Variants in ZNF91 observed in about 807,000 individuals in gnomAD.
ZNF91 encodes zinc finger protein 91 (HPF7, HTF10).
ZNF91 carries 7 observed loss-of-function variants against 12.6 expected under a neutral mutation model. The observed-to-expected ratio is 0.55, with a 90% CI of 0.31 to 1.04. The LOEUF (loss-of-function observed/expected upper bound fraction) is 1.04, where lower values mean the gene tolerates loss of function less well. ZNF91 is among the 50% of genes least tolerant of loss of function. ZNF91 has a pLI of 0.05. For synonymous variants in ZNF91, 453 were observed against 462.6 expected (o/e 0.98, Z 0.27); for missense variants, 1,217 against 1,385.4 (o/e 0.88, Z 1.93).
chr19:23,342,477 C>T (rs897906291), intron 3 of ZNF91, among the ~76,000 whole-genome samples: 1 of 152,066 alleles, frequency 6.6e-6, no homozygotes, highest in African/African-American at 2.4e-5. Context: ...AAAATTAGTG[C>T]TGGATATTGG....
chr19:23,388,657 A>C (rs1568404829), intron 1 of ZNF91, among the ~76,000 whole-genome samples: 2 of 152,174 alleles, frequency 1.3e-5, no homozygotes, highest in African/African-American at 4.8e-5. Flanking sequence ...AAATCACCTG[A>C]GGTCAGGAGT....
intron 3 of ZNF91, among the ~76,000 whole-genome samples, chr19:23,341,876 T>G (rs1479950710): frequency 1.3e-5 from 2 of 151,944 alleles, no homozygotes; most frequent in East Asian, 3.9e-4. Flanking sequence ...ATTCTTATAC[T>G]CCCCCAAAAC....
Position 23,359,026 on chromosome 19 carries a change from T to TCCAC in ZNF91, c.*376_*377insGTGG. On this transcript the variant is annotated 3_prime_UTR_variant, in exon 4 of 4. Transcript: ENST00000300619. ...GTTAAAGGCTTTGCCAAATTTTTCCTGTTTGTAGGGTTGCTGTCCAGTATG... is the reference window on the plus strand; with the variant it reads ...GTTAAAGGCTTTGCCAAATTTTTCCTCCACGTTTGTAGGGTTGCTGTCCAGTATG... 1 of 510,058 alleles carries TCCAC rather than the reference T, an allele frequency of 2.0e-6. No individual in the cohort carries two copies. The highest frequency in any genetic ancestry group is 5.2e-5 in the East Asian group (1 of 19,146). 31.6% of individuals were successfully genotyped at this position (510,058 alleles called of 1,614,324 possible).
intron 1 of ZNF91, among the ~76,000 whole-genome samples, chr19:23,383,901 GGAGTTCGAGACTAGCCTGACCA>G (rs1403102172): frequency 3.3e-5 from 5 of 152,078 alleles, no homozygotes; most frequent in Non-Finnish European, 5.9e-5. Context: ...CACGAGGTCA[GGAGTTCGAGACTAGCCTGACCA>G]ACATGGTGAA....
intron 3 of ZNF91, among the ~76,000 whole-genome samples, chr19:23,368,542 C>A (rs1969116029): frequency 7.7e-6 from 1 of 129,996 alleles, no homozygotes; most frequent in Non-Finnish European, 1.6e-5. Flanking sequence ...CTCTCTCTCT[C>A]TCTCTCTCTC....
At chr19:23,384,659 C>T (rs773487034) in intron 1 of ZNF91, 20 of 602,692 alleles carry the variant, frequency 3.3e-5, no homozygotes, top group East Asian at 7.2e-5. Context: ...CCATCCAAAT[C>T]GGCAAAGAGG....
At chr19:23,343,604 C>T (rs1968164868) in intron 3 of ZNF91, among the ~76,000 whole-genome samples, 1 of 152,168 alleles carries the variant, frequency 6.6e-6, no homozygotes, top group South Asian at 2.1e-4. Context: ...CATTATGTAA[C>T]CTAGTTCTGT....
At chr19:23,336,109 A>C (rs1458208417), downstream of ZNF91, among the ~76,000 whole-genome samples, 1 of 152,222 alleles carries the variant, frequency 6.6e-6, no homozygotes, top group African/African-American at 2.4e-5. Flanking sequence ...AGCCTTTAAA[A>C]TGTGCTACAT....
intron 1 of ZNF91, among the ~76,000 whole-genome samples, chr19:23,309,636 A>G (rs1447717693): frequency 6.6e-5 from 10 of 152,128 alleles, no homozygotes; most frequent in Admixed American, 5.9e-4. Flanking sequence ...TAGGATTTTG[A>G]CATATATATT....
chr19:23,364,458 A>G (rs1213034253), intron 3 of ZNF91, among the ~76,000 whole-genome samples: 2 of 152,146 alleles, frequency 1.3e-5, no homozygotes, highest in African/African-American at 4.8e-5. Flanking sequence ...GAAAAAAAAA[A>G]TGGTAGTTGT....
intron 1 of ZNF91, among the ~76,000 whole-genome samples, chr19:23,375,394 C>T (rs926724447): frequency 2.6e-5 from 4 of 152,054 alleles, no homozygotes; most frequent in Non-Finnish European, 4.4e-5. Context: ...CTCCTGACCT[C>T]GTGATCCTCC....
At chr19:23,337,867 C>G (rs1392929838), downstream of ZNF91, 1 of 151,920 alleles carries the variant, frequency 6.6e-6, no homozygotes, top group Non-Finnish European at 1.5e-5. Flanking sequence ...AAAGAAAATA[C>G]ATTCAAAGAT....
intron 1 of ZNF91, among the ~76,000 whole-genome samples, chr19:23,320,125 C>A (rs1231371803): frequency 6.6e-6 from 1 of 152,136 alleles, no homozygotes; most frequent in Non-Finnish European, 1.5e-5. Context: ...GAATCTCACA[C>A]GTAGACACAG....
At chr19:23,383,661 A>C (rs1357688227) in intron 1 of ZNF91, among the ~76,000 whole-genome samples, 5 of 151,972 alleles carry the variant, frequency 3.3e-5, no homozygotes, top group Admixed American at 6.6e-5. Context: ...GCACTCCAGC[A>C]TGAGAGACAA....
chr19:23,370,345 CAT>C (rs1969225415), intron 3 of ZNF91, among the ~76,000 whole-genome samples: 1 of 152,078 alleles, frequency 6.6e-6, no homozygotes, highest in Non-Finnish European at 1.5e-5. Context: ...TAGTCACACT[CAT>C]AAAAACAGAA....
At chr19:23,321,240 A>G (rs1390438095) in intron 1 of ZNF91, among the ~76,000 whole-genome samples, 3 of 152,114 alleles carry the variant, frequency 2.0e-5, no homozygotes, top group South Asian at 4.2e-4. Context: ...CTGGACCCAG[A>G]ACCTAGGCGA....
At chr19:23,382,049 CA>C (rs60814223) in intron 1 of ZNF91, among the ~76,000 whole-genome samples, 30,929 of 79,532 alleles carry the variant, frequency 0.39, 3,011 homozygotes, top group African/African-American at 0.48. Flanking sequence ...AATCCTGAGA[CA>C]AAAAAAAAAA....
chr19:23,354,223 A>G (rs1050701844), downstream of ZNF91, among the ~76,000 whole-genome samples: 1 of 152,116 alleles, frequency 6.6e-6, no homozygotes, highest in South Asian at 2.1e-4. Context: ...ATCCAAAAAC[A>G]TGTCGAAAAG....
At chr19:23,394,366 G>A (rs573122157) in intron 1 of ZNF91, among the ~76,000 whole-genome samples, 1 of 152,246 alleles carries the variant, frequency 6.6e-6, no homozygotes, top group East Asian at 1.9e-4. Flanking sequence ...CAAAATTTAG[G>A]CTTAAGCAAC....
Sources: gnomAD v4.1 joint callset for allele counts (sites outside exome capture counted in the v4.1 genomes callset) on GRCh38, gnomAD v4.1.1 for gene constraint, MANE v1.5 for transcripts, NCBI Gene and HGNC (gene_info 2026-07-23, HGNC 2026-07-21) for gene names.